DNAI7: variants seen among roughly 807,000 people sequenced by gnomAD.
DNAI7 encodes dynein axonemal intermediate chain 7, also known as cancer susceptibility 1.
A neutral mutation model predicts 86.6 loss-of-function variants in DNAI7; 78 were observed. The observed-to-expected ratio is 0.90, with a 90% confidence interval of 0.75 to 1.09. DNAI7 has a LOEUF of 1.09. DNAI7 is among the 50% of genes least tolerant of loss of function. The pLI, the probability that DNAI7 is intolerant of heterozygous loss-of-function variation, is 0.00. For missense variants in DNAI7, 753 were observed against 810.2 expected, an observed-to-expected ratio of 0.93 and a Z score of 0.86; for synonymous variants, 274 against 273.0, an observed-to-expected ratio of 1.00 and a Z score of -0.04.
intron 15 of DNAI7, among the ~76,000 whole-genome samples, chr12:25,109,118 G>T (rs1405001643): frequency 6.6e-6 from 1 of 152,142 alleles, no homozygotes; most frequent in African/African-American, 2.4e-5. Context: ...AAACACAGAA[G>T]AAATATAGAC....
At chr12:25,181,326 C>T (rs1949485454) in intron 2 of DNAI7, among the ~76,000 whole-genome samples, 1 of 151,794 alleles carries the variant, frequency 6.6e-6, no homozygotes, top group Non-Finnish European at 1.5e-5. Context: ...ACTATGTTTC[C>T]CAGGTTGGTC....
In DNAI7 at chr12:25,169,511, A is replaced by G. The variant is rs531405557; in HGVS notation, c.22-8314T>C. Among the ~76,000 whole-genome samples the G allele has an allele frequency of 1.1e-4, 17 of 152,290 alleles. 1 individual carries two copies. In the South Asian group the frequency reaches 2.9e-3, roughly 26 times the overall value. ...TTGGTGGTCTCTTCACACGGACGAG[A>G]GTGAAACTAACATTGAATATAAATG... On this transcript the variant is annotated intron_variant, in intron 2 of 15. Transcript: ENST00000395987.
rs144557090 is a variant in DNAI7 at position 25,154,395 on chromosome 12, G to T, written c.362C>A (p.Thr121Lys). ...PDPSVAQEMNTFISLWKEKTN... is the reference protein window; with the variant it reads ...PDPSVAQEMNKFISLWKEKTN... Reference sequence around the variant, plus strand: ...TTTCTCTTTCCACAAACTAATAAACGTGTTCATTTCTTGGGCTACTGAAGG... The same window carrying T: ...TTTCTCTTTCCACAAACTAATAAACTTGTTCATTTCTTGGGCTACTGAAGG... The change falls in exon 6 of 16, where the codon ACG (threonine) becomes AAG (lysine). Residue 121 changes from threonine to lysine, a missense_variant. Coordinates refer to ENST00000395987, the MANE Select transcript of DNAI7 (RefSeq NM_018272.5). 5 of 1,610,556 alleles carry T rather than the reference G, an allele frequency of 3.1e-6. No individual in the cohort carries two copies. Among genetic ancestry groups the T allele is most frequent in the African/African-American group, 2.7e-5 (2 of 74,862 alleles).
chr12:25,165,114 C>G (rs1469518788), intron 2 of DNAI7, among the ~76,000 whole-genome samples: 2 of 152,124 alleles, frequency 1.3e-5, no homozygotes, highest in Non-Finnish European at 2.9e-5. Context: ...GCCCTAGACC[C>G]TAAAAGGTCA....
At chr12:25,110,780 T>C (rs954267079) in intron 14 of DNAI7, among the ~76,000 whole-genome samples, 3 of 152,230 alleles carry the variant, frequency 2.0e-5, no homozygotes, top group Non-Finnish European at 4.4e-5. Context: ...ATAGCACTTT[T>C]CACCTTTTTA....
intron 12 of DNAI7, among the ~76,000 whole-genome samples, chr12:25,115,160 T>G (rs1341793254): frequency 1.3e-5 from 2 of 152,232 alleles, no homozygotes; most frequent in Non-Finnish European, 2.9e-5. Context: ...CACTTTTTTC[T>G]TTCCCTAACA....
intron 9 of DNAI7, among the ~76,000 whole-genome samples, chr12:25,126,495 T>C (rs1037714218): frequency 6.6e-6 from 1 of 151,618 alleles, no homozygotes; most frequent in Non-Finnish European, 1.5e-5. Flanking sequence ...ATAGGAGAGA[T>C]GATAAGGAAT....
chr12:25,118,142 C>T (rs1052373286), intron 12 of DNAI7, among the ~76,000 whole-genome samples: 11 of 152,000 alleles, frequency 7.2e-5, no homozygotes, highest in Non-Finnish European at 1.2e-4. Flanking sequence ...CTATGTTGGC[C>T]AGGCTCTCTC....
At chr12:25,115,986 T>C (rs1239865098) in intron 12 of DNAI7, among the ~76,000 whole-genome samples, 1 of 152,196 alleles carries the variant, frequency 6.6e-6, no homozygotes, top group African/African-American at 2.4e-5. Flanking sequence ...CACCCTACTA[T>C]GTTGTATCAC....
chr12:25,160,554 A>C (rs748399727), intron 3 of DNAI7, among the ~76,000 whole-genome samples: 1 of 152,074 alleles, frequency 6.6e-6, no homozygotes, highest in Non-Finnish European at 1.5e-5. Flanking sequence ...AAATTAGCCA[A>C]TCGGAATTAG....
At chr12:25,170,268 G>C (rs918739033) in intron 2 of DNAI7, among the ~76,000 whole-genome samples, 1 of 151,954 alleles carries the variant, frequency 6.6e-6, no homozygotes, top group African/African-American at 2.4e-5. Flanking sequence ...GTGGGTGCCT[G>C]TAATCCCAGC....
At position 25,108,450 on chromosome 12, in the gene DNAI7, T is replaced by C; in HGVS notation, c.*98A>G. 1.0e-6 allele frequency: 1 copy of C among 993,928 alleles called. No individual in the cohort carries two copies. Among genetic ancestry groups the C allele is most frequent in the Non-Finnish European group, 1.4e-6 (1 of 709,988 alleles). 61.6% of individuals were successfully genotyped at this position (993,928 alleles called of 1,614,324 possible). Reference sequence around the variant, plus strand: ...ATTAGAAAATTTTTAATAGTTGATTTGAAATGTATTCATTCACTCATTACA... The same window carrying C: ...ATTAGAAAATTTTTAATAGTTGATTCGAAATGTATTCATTCACTCATTACA... On this transcript the variant is annotated 3_prime_UTR_variant, in exon 16 of 16. Coordinates refer to ENST00000395987, the MANE Select transcript of DNAI7 (RefSeq NM_018272.5).
In DNAI7 at chr12:25,108,607, G is replaced by C; in HGVS notation, c.2110C>G (p.Gln704Glu). 6.2e-7 allele frequency: 1 copy of C among 1,613,810 alleles called. No individual in the cohort carries two copies. The change falls in exon 16 of 16, where the codon CAG (glutamine) becomes GAG (glutamate). Residue 704 changes from glutamine to glutamate, a missense_variant. Coordinates refer to ENST00000395987, the MANE Select transcript of DNAI7 (RefSeq NM_018272.5). ...ATGTGGCACACAGAGTTGACAAACT[G>C]ACAGTTGGAACTCCTGACTTTCTCC... ...AMEKVRSSNC[Q>E]FVNSVCHMLL...
intron 5 of DNAI7, among the ~76,000 whole-genome samples, chr12:25,155,004 T>A (rs1945979802): frequency 6.6e-6 from 1 of 152,232 alleles, no homozygotes; most frequent in South Asian, 2.1e-4. Flanking sequence ...AGTTATGCAG[T>A]TTTGAGCAAG....
intron 2 of DNAI7, among the ~76,000 whole-genome samples, chr12:25,170,050 G>A (rs1200416861): frequency 6.6e-6 from 1 of 152,010 alleles, no homozygotes; most frequent in African/African-American, 2.4e-5. Flanking sequence ...AAACTTTAAA[G>A]CAACAGTGGT....
intron 8 of DNAI7, among the ~76,000 whole-genome samples, chr12:25,146,639 T>C (rs568011376): frequency 2.0e-5 from 3 of 151,972 alleles, no homozygotes; most frequent in African/African-American, 7.2e-5. Context: ...ACTTCTACTT[T>C]TTTGGAGGGC....
At chr12:25,131,907 T>C (rs1199373203) in intron 9 of DNAI7, among the ~76,000 whole-genome samples, 2 of 152,154 alleles carry the variant, frequency 1.3e-5, no homozygotes, top group Non-Finnish European at 2.9e-5. Context: ...CTCAAGATCA[T>C]AATTTAGTGT....
In DNAI7 at chr12:25,158,744, G is replaced by GA. The variant is rs200321469; in HGVS notation, c.107-182dup. On this transcript the variant is annotated intron_variant, in intron 3 of 15. Coordinates refer to ENST00000395987, the MANE Select transcript of DNAI7 (RefSeq NM_018272.5). ...CCTTTCTTCAAGACAGTAACTACAA[G>GA]AAAAAATCAAACAACCCCATCAAAA... The GA allele has an allele frequency of 3.4e-3, 4,771 of 1,420,804 alleles. 11 individuals carry two copies. Among genetic ancestry groups the GA allele is most frequent in the Non-Finnish European group, 4.1e-3 (4,442 of 1,082,100 alleles). 88.0% of individuals were successfully genotyped at this position (1,420,804 alleles called of 1,614,324 possible). A position where few individuals can be genotyped will look rare whatever the true frequency, so the allele number is the denominator to read the frequency against.
At chr12:25,180,080 G>T (rs1239117051) in intron 2 of DNAI7, among the ~76,000 whole-genome samples, 1 of 152,132 alleles carries the variant, frequency 6.6e-6, no homozygotes, top group Non-Finnish European at 1.5e-5. Flanking sequence ...CCTGATAAAC[G>T]ACTTCAGTAA....
Sources: gnomAD v4.1 joint callset for allele counts (sites outside exome capture counted in the v4.1 genomes callset) on GRCh38, gnomAD v4.1.1 for gene constraint, MANE v1.5 for transcripts, NCBI Gene and HGNC (gene_info 2026-07-23, HGNC 2026-07-21) for gene names.